The following EYA1 variants were observed in gnomAD, a reference collection of about 807,000 sequenced individuals.
EYA1 encodes the protein protein phosphatase EYA1.
EYA1 carries 16 observed loss-of-function variants against 82.0 expected under a neutral mutation model. The ratio of observed to expected loss-of-function variants is 0.20; its 90% CI spans 0.13 to 0.30. EYA1 has a LOEUF of 0.30. Among genes scored for constraint, EYA1 ranks in the 10% least tolerant of loss-of-function variants. The pLI is 1.00. For synonymous variants in EYA1, 261 were observed against 264.4 expected (o/e 0.99, Z 0.12); for missense variants, 633 against 730.7 (o/e 0.87, Z 1.54).
At chr8:71,396,670 T>A (rs1829637398) in intron 2 of EYA1, among the ~76,000 whole-genome samples, 1 of 152,192 alleles carries the variant, frequency 6.6e-6, no homozygotes, top group Non-Finnish European at 1.5e-5. Context: ...TTGTTATAAT[T>A]TCTGTTCTTT....
intron 3 of EYA1, among the ~76,000 whole-genome samples, chr8:71,348,564 C>T (rs903846299): frequency 1.3e-5 from 2 of 152,242 alleles, no homozygotes; most frequent in African/African-American, 4.8e-5. Flanking sequence ...TCTAGAAACC[C>T]TGAGCCTAGT....
intron 3 of EYA1, among the ~76,000 whole-genome samples, chr8:71,352,744 A>T (rs1169337623): frequency 6.6e-6 from 1 of 152,240 alleles, no homozygotes; most frequent in Non-Finnish European, 1.5e-5. Context: ...AAAATCCAAC[A>T]AAGTGCAGTA....
chr8:71,492,542 G>A (rs1811089575), intron 2 of EYA1, among the ~76,000 whole-genome samples: 1 of 150,398 alleles, frequency 6.6e-6, no homozygotes, highest in Admixed American at 6.7e-5. Flanking sequence ...TCAGCTCACT[G>A]CAAGCTCCGC....
chr8:71,419,768 C>A lies in EYA1; in HGVS notation c.34-63257G>T, dbSNP rs188136611. Among the ~76,000 whole-genome samples, 590 of 151,692 alleles carry A rather than the reference C, an allele frequency of 3.9e-3. 4 individuals carry two copies. Among genetic ancestry groups the A allele is most frequent in the South Asian group, 0.014 (68 of 4,780 alleles). ...ACACTTTACTAGTTCTATAATTATT[C>A]CTATATTTAAATTCTAAGCTATATT... On this transcript the variant is annotated intron_variant, in intron 2 of 18. Coordinates refer to the EYA1 transcript ENST00000643681.
At chr8:71,304,990 T>C (rs1820571892) in intron 7 of EYA1, among the ~76,000 whole-genome samples, 1 of 142,958 alleles carries the variant, frequency 7.0e-6, no homozygotes, top group African/African-American at 2.5e-5. Flanking sequence ...TGTAGAAGGC[T>C]GTCACACACC....
chr8:71,217,096 C>T, intron 12 of EYA1, 73 bp from the exon 13 acceptor site: 1 of 1,148,166 alleles, frequency 8.7e-7, no homozygotes. Flanking sequence ...TTTGGAAAAA[C>T]CATACATATT....
chr8:71,474,276 T>A lies in EYA1; in HGVS notation c.33+61468A>T, dbSNP rs546469840. Reference sequence around the variant, plus strand: ...GAAGAAGAAGCAGAAGCAGCAGCTCTGATTCCAATGGACTTTCCCTAGTGG... The same window carrying A: ...GAAGAAGAAGCAGAAGCAGCAGCTCAGATTCCAATGGACTTTCCCTAGTGG... On this transcript the variant is annotated intron_variant, in intron 2 of 18. Transcript: ENST00000643681. 8.6e-5 allele frequency among the ~76,000 whole-genome samples: 13 copies of A among 151,934 alleles called. 1 individual carries two copies. Among genetic ancestry groups the A allele is most frequent in the African/African-American group, 3.1e-4 (13 of 41,426 alleles).
At chr8:71,402,864 CTTAT>C (rs1830030053) in intron 2 of EYA1, among the ~76,000 whole-genome samples, 1 of 152,028 alleles carries the variant, frequency 6.6e-6, no homozygotes, top group Admixed American at 6.6e-5. Context: ...AAAAGTAGAA[CTTAT>C]TTAATAAATA....
chr8:71,470,207 G>A (rs1373872070), intron 2 of EYA1, among the ~76,000 whole-genome samples: 2 of 152,032 alleles, frequency 1.3e-5, no homozygotes, highest in Non-Finnish European at 2.9e-5. Flanking sequence ...GTAGATCTAT[G>A]CAATTGCTTT....
chr8:71,427,644 A>T (rs981550005), intron 2 of EYA1, among the ~76,000 whole-genome samples: 44 of 152,148 alleles, frequency 2.9e-4, no homozygotes, highest in African/African-American at 1.1e-3. Context: ...ATAATGTGTT[A>T]ATAAACAGAA....
intron 2 of EYA1, among the ~76,000 whole-genome samples, chr8:71,512,970 T>C (rs1812708790): frequency 6.6e-6 from 1 of 152,102 alleles, no homozygotes; most frequent in African/African-American, 2.4e-5. Context: ...ATACACAAGG[T>C]GGAAAGATTA....
At chr8:71,288,689 G>A (rs1257127261) in intron 9 of EYA1, among the ~76,000 whole-genome samples, 1 of 152,160 alleles carries the variant, frequency 6.6e-6, no homozygotes, top group Non-Finnish European at 1.5e-5. Context: ...AAATTCAGAA[G>A]CTATTTTCTC....
At chr8:71,337,000 A>G (rs1824568529) in intron 3 of EYA1, among the ~76,000 whole-genome samples, 1 of 152,226 alleles carries the variant, frequency 6.6e-6, no homozygotes, top group Non-Finnish European at 1.5e-5. Context: ...AGAGAGTTAA[A>G]AAGATGAGAA....
chr8:71,299,625 C>A lies in EYA1; in HGVS notation c.639+13G>T. Reference sequence around the variant, plus strand: ...AGATATTTTTCAGAAGTTAAACTGGCTTTTTAAATTACCTGCTGTGAACTA... The same window carrying A: ...AGATATTTTTCAGAAGTTAAACTGGATTTTTAAATTACCTGCTGTGAACTA... On this transcript the variant is annotated intron_variant, in intron 8 of 17. Transcript: ENST00000340726. The A allele has an allele frequency of 6.8e-7, 1 of 1,463,970 alleles. No individual in the cohort carries two copies. The highest frequency in any genetic ancestry group is 9.6e-7 in the Non-Finnish European group (1 of 1,044,566). The allele number at this position is 1,463,970 out of a possible 1,614,324, so 90.7% of individuals were successfully genotyped here.
At chr8:71,545,859 C>A (rs183689545) in intron 1 of EYA1, among the ~76,000 whole-genome samples, 1 of 152,282 alleles carries the variant, frequency 6.6e-6, no homozygotes, top group Admixed American at 6.5e-5. Flanking sequence ...TGTGCCCGGC[C>A]TTTTTTCCCT....
Position 71,354,826 on chromosome 8 carries a change from T to G in EYA1, c.80A>C (p.Asn27Thr), listed in dbSNP as rs751187504. ...SESPSGPKLG[N>T]SHINSNSMTP... The stretch of plus-strand genomic sequence containing the variant: ...CATGGAATTACTATTTATATGAGAG[T>G]TACCGAGTTTGGGGCCACTGGGGGA... Residue 27 changes from asparagine to threonine, a missense_variant, in exon 3 of 18, where the codon AAC (asparagine) becomes ACC (threonine). Transcript: ENST00000340726. 3.1e-6 allele frequency: 5 copies of G among 1,613,612 alleles called. No homozygotes were observed. The highest frequency in any genetic ancestry group is 4.2e-6 in the Non-Finnish European group (5 of 1,179,658).
At chr8:71,388,838 A>G (rs187097273) in intron 2 of EYA1, among the ~76,000 whole-genome samples, 1 of 152,244 alleles carries the variant, frequency 6.6e-6, no homozygotes, top group Admixed American at 6.5e-5. Context: ...AATTAGACAT[A>G]TAAAGTCTTA....
chr8:71,434,671 C>G (rs1338668097), intron 2 of EYA1, among the ~76,000 whole-genome samples: 2 of 152,106 alleles, frequency 1.3e-5, no homozygotes, highest in Non-Finnish European at 2.9e-5. Flanking sequence ...CCTAACCACA[C>G]AGGCAAATGT....
chr8:71,476,002 A>C (rs1378578109), intron 2 of EYA1, among the ~76,000 whole-genome samples: 3 of 152,174 alleles, frequency 2.0e-5, no homozygotes, highest in African/African-American at 7.2e-5. Context: ...ACTGCATCAA[A>C]TTATCTTCGT....
Sources: allele counts gnomAD v4.1 joint callset (sites outside exome capture counted in the v4.1 genomes callset), GRCh38; gene constraint gnomAD v4.1.1; transcripts MANE v1.5; gene names NCBI Gene and HGNC (gene_info 2026-07-23, HGNC 2026-07-21).